PEBP4: variants seen among roughly 807,000 people sequenced by gnomAD.
The protein encoded by PEBP4 is phosphatidylethanolamine binding protein 4.
A neutral mutation model predicts 23.9 loss-of-function variants in PEBP4; 22 were observed. The observed-to-expected ratio is 0.92, with a 90% CI of 0.66 to 1.31. PEBP4 has a LOEUF of 1.31. Among genes scored for constraint, PEBP4 ranks in the 40% most tolerant of loss-of-function variants. The probability of loss-of-function intolerance (pLI) is 0.00; values close to 1 mark genes in which losing one functional copy is unlikely to be tolerated. For missense variants in PEBP4, 324 were observed against 281.7 expected, an observed-to-expected ratio of 1.15 and a Z score of -1.07; for synonymous variants, 112 against 99.3, an observed-to-expected ratio of 1.13 and a Z score of -0.76.
intron 3 of PEBP4, among the ~76,000 whole-genome samples, chr8:22,905,195 T>C (rs1188976134): frequency 6.6e-6 from 1 of 151,780 alleles, no homozygotes; most frequent in Non-Finnish European, 1.5e-5. Context: ...TAAAATCACA[T>C]TTTTTATATT....
chr8:22,937,799 T>A (rs1446033892), intron 1 of PEBP4, among the ~76,000 whole-genome samples: 2 of 5,422 alleles, frequency 3.7e-4, no homozygotes, highest in African/African-American at 2.2e-3. Flanking sequence ...TGTGTATGTA[T>A]GTGTGTGTGT....
At chr8:22,761,891 A>G (rs1805515099) in intron 4 of PEBP4, among the ~76,000 whole-genome samples, 1 of 152,078 alleles carries the variant, frequency 6.6e-6, no homozygotes, top group Admixed American at 6.5e-5. Flanking sequence ...TTCTCATCTA[A>G]TTATATGGCA....
intron 3 of PEBP4, among the ~76,000 whole-genome samples, chr8:22,838,876 C>T (rs530644349): frequency 6.6e-6 from 1 of 152,346 alleles, no homozygotes; most frequent in South Asian, 2.1e-4. Flanking sequence ...GGGAACAGAA[C>T]GGGTAGTCAT....
intron 4 of PEBP4, among the ~76,000 whole-genome samples, chr8:22,753,138 C>T (rs1805304191): frequency 6.6e-6 from 1 of 152,152 alleles, no homozygotes; most frequent in African/African-American, 2.4e-5. Context: ...AGAGACAGGG[C>T]TGGGTACTAC....
intron 3 of PEBP4, among the ~76,000 whole-genome samples, chr8:22,858,870 C>T (rs532154979): frequency 1.6e-4 from 25 of 152,256 alleles, no homozygotes; most frequent in Middle Eastern, 3.4e-3. Context: ...TCGCTTGAAC[C>T]TGGGAGGCAG....
At chr8:22,810,669 G>GGCGT (rs1360400547) in intron 4 of PEBP4, among the ~76,000 whole-genome samples, 2 of 129,130 alleles carry the variant, frequency 1.5e-5, no homozygotes, top group African/African-American at 6.0e-5. Context: ...CTCATGGAGG[G>GGCGT]GTGTGTGTGT....
intron 4 of PEBP4, among the ~76,000 whole-genome samples, chr8:22,764,297 T>A (rs1348630365): frequency 6.6e-6 from 1 of 152,168 alleles, no homozygotes; most frequent in Admixed American, 6.5e-5. Context: ...TGGAGAAGGA[T>A]AAACTCTTCT....
intron 4 of PEBP4, among the ~76,000 whole-genome samples, chr8:22,783,031 G>T (rs967586184): frequency 1.3e-5 from 2 of 152,234 alleles, no homozygotes; most frequent in African/African-American, 4.8e-5. Flanking sequence ...CAGCCAGAGG[G>T]TACTGGCCAG....
At chr8:22,857,174 CT>C (rs545593202) in intron 3 of PEBP4, among the ~76,000 whole-genome samples, 203 of 151,590 alleles carry the variant, frequency 1.3e-3, no homozygotes, top group African/African-American at 4.8e-3. Flanking sequence ...TTTTCCCTTT[CT>C]TTAAAAAAAA....
At chr8:22,873,399 C>T (rs1808051010) in intron 3 of PEBP4, among the ~76,000 whole-genome samples, 1 of 151,672 alleles carries the variant, frequency 6.6e-6, no homozygotes, top group Admixed American at 6.6e-5. Flanking sequence ...GAGCTCAAGG[C>T]GAGGAGGATT....
At chr8:22,777,136 G>A (rs1209361028) in intron 4 of PEBP4, among the ~76,000 whole-genome samples, 1 of 152,056 alleles carries the variant, frequency 6.6e-6, no homozygotes, top group Non-Finnish European at 1.5e-5. Flanking sequence ...ATTCAGCACT[G>A]ATCTGCTCAT....
chr8:22,719,949 G>T (rs936879722), intron 6 of PEBP4, among the ~76,000 whole-genome samples: 1 of 152,240 alleles, frequency 6.6e-6, no homozygotes, highest in Non-Finnish European at 1.5e-5. Flanking sequence ...GCAAGCTGAC[G>T]TGTGTTTGCA....
At chr8:22,827,524 T>C (rs1806997174) in intron 3 of PEBP4, among the ~76,000 whole-genome samples, 1 of 152,226 alleles carries the variant, frequency 6.6e-6, no homozygotes, top group Admixed American at 6.5e-5. Context: ...CATCTTTTAC[T>C]CAGCGTAATG....
intron 3 of PEBP4, among the ~76,000 whole-genome samples, chr8:22,900,199 G>A (rs1236997746): frequency 2.0e-5 from 3 of 152,178 alleles, no homozygotes; most frequent in African/African-American, 4.8e-5. Flanking sequence ...TTATCGGGAG[G>A]TCACGAATCC....
intron 4 of PEBP4, among the ~76,000 whole-genome samples, chr8:22,731,605 G>A (rs943263447): frequency 4.0e-5 from 6 of 151,550 alleles, no homozygotes; most frequent in South Asian, 2.1e-4. Context: ...GCACCCATAC[G>A]CCCTCATTGT....
upstream of PEBP4, among the ~76,000 whole-genome samples, chr8:22,932,631 C>A (rs1809475343): frequency 6.6e-6 from 1 of 152,094 alleles, no homozygotes; most frequent in South Asian, 2.1e-4. Flanking sequence ...AATGCCTAAT[C>A]AAGGAAAGCC....
intron 2 of PEBP4, chr8:22,924,936 T>C: frequency 1.0e-6 from 1 of 985,312 alleles, no homozygotes; most frequent in Non-Finnish European, 1.2e-6. Flanking sequence ...GATTAATACC[T>C]TTAGGCATTG....
chr8:22,737,683 G>A (rs1406562240), intron 4 of PEBP4, among the ~76,000 whole-genome samples: 1 of 152,188 alleles, frequency 6.6e-6, no homozygotes, highest in African/African-American at 2.4e-5. Flanking sequence ...TTCTCCTGCA[G>A]GGCAGCCTGG....
At chr8:22,749,474 C>T (rs1805200125) in intron 4 of PEBP4, among the ~76,000 whole-genome samples, 2 of 152,260 alleles carry the variant, frequency 1.3e-5, no homozygotes, top group African/African-American at 4.8e-5. Flanking sequence ...CCTGCATCTC[C>T]TCCCTCCCTG....
Sources: gnomAD v4.1 joint callset for allele counts (sites outside exome capture counted in the v4.1 genomes callset) on GRCh38, gnomAD v4.1.1 for gene constraint, MANE v1.5 for transcripts, NCBI Gene and HGNC (gene_info 2026-07-23, HGNC 2026-07-21) for gene names.